ADAMTS10: variants seen among roughly 807,000 people sequenced by gnomAD.
ADAMTS10 encodes A disintegrin and metalloproteinase with thrombospondin motifs 10.
A neutral mutation model predicts 135.9 loss-of-function variants in ADAMTS10; 48 were observed. That is an observed-to-expected ratio of 0.35 (90% CI 0.28 to 0.45). The LOEUF is 0.45. ADAMTS10 is among the 20% of genes least tolerant of loss of function. The pLI, the probability that ADAMTS10 is intolerant of heterozygous loss-of-function variation, is 1.00. For missense variants in ADAMTS10, 1,131 were observed against 1,565.2 expected (o/e 0.72, Z 4.68); for synonymous variants, 621 against 647.5 (o/e 0.96, Z 0.62).
intron 25 of ADAMTS10, among the ~76,000 whole-genome samples, chr19:8,581,929 G>A (rs2042358070): frequency 6.6e-6 from 1 of 151,694 alleles, no homozygotes; most frequent in African/African-American, 2.4e-5. Flanking sequence ...TACTCAAGAG[G>A]CTGAGGCTGG....
intron 15 of ADAMTS10, among the ~76,000 whole-genome samples, chr19:8,591,186 G>C (rs1186252711): frequency 6.6e-6 from 1 of 152,118 alleles, no homozygotes; most frequent in Non-Finnish European, 1.5e-5. Context: ...GGACTCTTCA[G>C]GGGAAGTTGG....
chr19:8,580,686 C>G lies in ADAMTS10; in HGVS notation c.*207G>C. ...GTCTCACTATGTGAACTGGAAGGGG[C>G]GGATGCTGAAGAGGGGCTCTGGGGG... On this transcript the variant is annotated 3_prime_UTR_variant, in exon 26 of 26. Coordinates refer to ENST00000597188, the MANE Select transcript of ADAMTS10 (RefSeq NM_030957.4). 1.8e-6 allele frequency: 1 copy of G among 564,700 alleles called. No individual in the cohort carries two copies. The highest frequency in any genetic ancestry group is 2.0e-5 in the South Asian group (1 of 50,490). The allele number at this position is 564,700 out of a possible 1,614,324, so 35.0% of individuals were successfully genotyped here.
In ADAMTS10 at chr19:8,605,970, C is replaced by G. The variant is rs1279364517; in HGVS notation, c.-99-161G>C. Among the ~76,000 whole-genome samples, 2 of 152,232 alleles carry G rather than the reference C, an allele frequency of 1.3e-5. No homozygotes were observed. Among genetic ancestry groups the G allele is most frequent in the Admixed American group, 1.3e-4 (2 of 15,274 alleles). Reference sequence around the variant, plus strand: ...CTCCCCACCTCCCCTTCCAATCCTTCCTACACTCCTACAAGAGGACAGACA... The same window carrying G: ...CTCCCCACCTCCCCTTCCAATCCTTGCTACACTCCTACAAGAGGACAGACA... On this transcript the variant is annotated intron_variant, in intron 2 of 25. Transcript: ENST00000597188. The surrounding 1 kb of genome is among the most constrained non-coding windows in gnomAD (Gnocchi z 7.7).
rs1167523228 is a variant in ADAMTS10 at position 8,601,683 on chromosome 19, G to A, written c.593-538C>T. On this transcript the variant is annotated intron_variant, in intron 5 of 25. Coordinates refer to ENST00000597188, the MANE Select transcript of ADAMTS10 (RefSeq NM_030957.4). This position sits in a 1 kb window ranked among gnomAD's most constrained non-coding sequence, Gnocchi z 4.6. ...GGCTGCCTCATTGTTTTGTCTATAGGGCATCTTGGCGGTACCATCTCTTTT... is the reference window on the plus strand; with the variant it reads ...GGCTGCCTCATTGTTTTGTCTATAGAGCATCTTGGCGGTACCATCTCTTTT... Among the ~76,000 whole-genome samples, 2 of 151,924 alleles carry A rather than the reference G, an allele frequency of 1.3e-5. No homozygotes were observed. The highest frequency in any genetic ancestry group is 2.4e-5 in the African/African-American group (1 of 41,340).
intron 25 of ADAMTS10, 176 bp from the exon 26 acceptor site, chr19:8,581,178 T>C: frequency 2.4e-6 from 1 of 420,370 alleles, no homozygotes; most frequent in South Asian, 3.0e-5. Context: ...TATCTTGCTA[T>C]GTTGACCAGG....
Position 8,597,267 on chromosome 19 carries a change from G to C in ADAMTS10, c.861C>G (p.Leu287=). ...DSSLGSTVNI[L]VTRLILLTED... ...CCGTGAGCAGGATGAGGCGAGTTACGAGGATGTTAACGGTGCTTCCCAGAC... is the reference window on the plus strand; with the variant it reads ...CCGTGAGCAGGATGAGGCGAGTTACCAGGATGTTAACGGTGCTTCCCAGAC... The change falls in exon 7 of 26, where the codon CTC becomes CTG. Residue 287 remains leucine, a synonymous_variant. Transcript: ENST00000597188. 1 of 1,614,166 alleles carries C rather than the reference G, an allele frequency of 6.2e-7. No individual in the cohort carries two copies. Among genetic ancestry groups the C allele is most frequent in the African/African-American group, 1.3e-5 (1 of 75,042 alleles).
In ADAMTS10 at chr19:8,605,663, C is replaced by T. The variant is rs1012409656; in HGVS notation, c.48G>A (p.Leu16=). 1.2e-6 allele frequency: 2 copies of T among 1,613,498 alleles called. No individual in the cohort carries two copies. Among genetic ancestry groups the T allele is most frequent in the African/African-American group, 1.3e-5 (1 of 74,926 alleles). ...QILRWALALG[L]GLMFEVTHAF... is the part of the protein sequence containing the mutation. ...CGTGCGTGACCTCGAACATGAGGCC[C>T]AGCCCCAGGGCGAGGGCCCAGCGGA... is the stretch of plus-strand genomic sequence containing the variant. Residue 16 remains leucine, a synonymous_variant, in exon 3 of 26, where the codon CTG becomes CTA. Coordinates refer to ENST00000597188, the MANE Select transcript of ADAMTS10 (RefSeq NM_030957.4). The surrounding 1 kb of genome is among the most constrained non-coding windows in gnomAD (Gnocchi z 7.7).
In ADAMTS10 at chr19:8,586,866, C is replaced by G. The variant is rs377640088; in HGVS notation, c.2189G>C (p.Gly730Ala). Residue 730 changes from glycine to alanine, a missense_variant, in exon 19 of 26, where the codon GGC (glycine) becomes GCC (alanine). Gly to Ala is a moderately conservative substitution (Grantham distance 60). Coordinates refer to ENST00000597188, the MANE Select transcript of ADAMTS10 (RefSeq NM_030957.4). ...ATCCTGGATGAAGATGTGGACGGAG[C>G]CTTTGGGAATCCAGACGACATCCTC... ...GYEDVVWIPKGSVHIFIQDLN... is the reference protein window; with the variant it reads ...GYEDVVWIPKASVHIFIQDLN... 1.2e-6 allele frequency: 2 copies of G among 1,614,168 alleles called. No homozygotes were observed. Among genetic ancestry groups the G allele is most frequent in the Non-Finnish European group, 1.7e-6 (2 of 1,180,034 alleles).
At chr19:8,589,739 C>T (rs1400930090) in intron 16 of ADAMTS10, 150 bp downstream of exon 16, 2 of 1,421,154 alleles carry the variant, frequency 1.4e-6, no homozygotes, top group East Asian at 4.9e-5. Flanking sequence ...TCACGTTGAA[C>T]CCCCATGGTA....
chr19:8,600,711 G>A (rs1412172739), intron 6 of ADAMTS10, among the ~76,000 whole-genome samples: 1 of 151,874 alleles, frequency 6.6e-6, no homozygotes, highest in Non-Finnish European at 1.5e-5. Flanking sequence ...TGTTAGCCAG[G>A]ATGGTCTCCA....
chr19:8,609,111 T>A (rs1295646054), intron 1 of ADAMTS10, among the ~76,000 whole-genome samples: 2 of 151,412 alleles, frequency 1.3e-5, no homozygotes, highest in Non-Finnish European at 2.9e-5. Flanking sequence ...GTGAGGGATC[T>A]GCACTGTGGC....
Position 8,605,520 on chromosome 19 carries a change from AT to A in ADAMTS10, c.88+102del. On this transcript the variant is annotated intron_variant, in intron 3 of 25. Coordinates refer to ENST00000597188, the MANE Select transcript of ADAMTS10 (RefSeq NM_030957.4). The surrounding 1 kb of genome is among the most constrained non-coding windows in gnomAD (Gnocchi z 7.7). ...CCTATTGACCCCAGGGCCTTCCCCCATTGACCCCCATCCCAGCCCCCTGATG... is the reference window on the plus strand; with the variant it reads ...CCTATTGACCCCAGGGCCTTCCCCCATGACCCCCATCCCAGCCCCCTGATG... 4.0e-6 allele frequency: 3 copies of A among 752,128 alleles called. No individual in the cohort carries two copies. Among genetic ancestry groups the A allele is most frequent in the Non-Finnish European group, 5.9e-6 (3 of 506,392 alleles). The allele number at this position is 752,128 out of a possible 1,614,324, so 46.6% of individuals were successfully genotyped here.
intron 15 of ADAMTS10, among the ~76,000 whole-genome samples, chr19:8,590,279 T>A (rs1270755495): frequency 6.6e-6 from 1 of 151,978 alleles, no homozygotes; most frequent in Non-Finnish European, 1.5e-5. Context: ...TTGCTTGCAT[T>A]TTTTTTCTTT....
rs2146040332 is a variant in ADAMTS10 at position 8,585,660 on chromosome 19, G to T, written c.2661C>A (p.Asp887Glu). The part of the protein sequence containing the change: ...RACNTEPCPP[D>E]WVVGNWSLCS... ...AGAGCGACCAGTTCCCTACAACCCA[G>T]CTGTAAGAGATGAAGGGGTCTGAGC... The change falls in exon 23 of 26, where the codon GAC becomes GAA. Residue 887 changes from aspartate to glutamate, a missense_variant and splice_region_variant. By Grantham distance (45) the Asp-to-Glu change is conservative (BLOSUM62 2). This residue lies in a region of ADAMTS10 where 745 missense variants were observed against 1,056.3 expected (regional missense o/e 0.71). Transcript: ENST00000597188. 1.2e-6 allele frequency: 2 copies of T among 1,612,302 alleles called. No individual in the cohort carries two copies. The highest frequency in any genetic ancestry group is 1.7e-6 in the Non-Finnish European group (2 of 1,179,622).
intron 18 of ADAMTS10, among the ~76,000 whole-genome samples, chr19:8,588,325 A>G (rs2042467726): frequency 1.3e-5 from 2 of 150,888 alleles, no homozygotes. Context: ...GGCTCAAGGG[A>G]TCCTCCCGCT....
chr19:8,598,732 G>A (rs148278406), intron 6 of ADAMTS10, among the ~76,000 whole-genome samples: 3,605 of 151,780 alleles, frequency 0.024, 137 homozygotes, highest in African/African-American at 0.081. Context: ...CCGCCACCAC[G>A]CCCAGCTGAT....
chr19:8,600,294 A>G (rs1555741126), intron 6 of ADAMTS10, among the ~76,000 whole-genome samples: 1 of 152,188 alleles, frequency 6.6e-6, no homozygotes, highest in East Asian at 1.9e-4. Context: ...TCAAAGGCAG[A>G]CAGTTAAAAA....
chr19:8,591,152 G>C (rs369340971), intron 15 of ADAMTS10, among the ~76,000 whole-genome samples: 1 of 152,128 alleles, frequency 6.6e-6, no homozygotes, highest in Non-Finnish European at 1.5e-5. Flanking sequence ...CTACAACTTT[G>C]GGGGATGACA....
At chr19:8,584,347 G>C (rs1436155379) in intron 25 of ADAMTS10, among the ~76,000 whole-genome samples, 1 of 151,646 alleles carries the variant, frequency 6.6e-6, no homozygotes, top group Non-Finnish European at 1.5e-5. Flanking sequence ...GCACCCAGTG[G>C]GTAGAAGCCG....
Sources: allele counts gnomAD v4.1 joint callset (sites outside exome capture counted in the v4.1 genomes callset), GRCh38; gene constraint gnomAD v4.1.1; regional missense constraint gnomAD v4.1.1; non-coding constraint Gnocchi (gnomAD v3.1); transcripts MANE v1.5; gene names NCBI Gene and HGNC (gene_info 2026-07-23, HGNC 2026-07-21).